GDNF: variants seen among roughly 807,000 people sequenced by gnomAD.
The protein encoded by GDNF is glial cell derived neurotrophic factor.
A neutral mutation model predicts 13.7 loss-of-function variants in GDNF; 5 were observed. The ratio of observed to expected loss-of-function variants is 0.36; its 90% CI spans 0.19 to 0.77. The LOEUF (loss-of-function observed/expected upper bound fraction) is 0.77, where lower values mean the gene tolerates loss of function less well. Among genes scored for constraint, GDNF ranks in the 30% least tolerant of loss-of-function variants. The pLI is 0.51. For missense variants in GDNF, 246 were observed against 274.3 expected (o/e 0.90, Z 0.73); for synonymous variants, 122 against 112.5 (o/e 1.08, Z -0.53).
intron 2 of GDNF, among the ~76,000 whole-genome samples, chr5:37,827,918 G>A (rs1485911981): frequency 1.3e-5 from 2 of 152,164 alleles, no homozygotes; most frequent in African/African-American, 4.8e-5. Context: ...TTCAAAGTAG[G>A]TAATCGTTTT....
At chr5:37,816,233 G>T in intron 2 of GDNF, 98 bp from the exon 3 acceptor site, 1 of 1,219,134 alleles carries the variant, frequency 8.2e-7, no homozygotes. Flanking sequence ...GCAAAAATTG[G>T]ACCCACAGCA....
chr5:37,825,317 C>T (rs941528105), intron 2 of GDNF, among the ~76,000 whole-genome samples: 17 of 152,294 alleles, frequency 1.1e-4, no homozygotes, highest in African/African-American at 4.1e-4. Flanking sequence ...GTATGTGGTC[C>T]ATGCTTTTAT....
intron 2 of GDNF, among the ~76,000 whole-genome samples, chr5:37,827,831 T>G (rs1385062416): frequency 6.6e-6 from 1 of 152,212 alleles, no homozygotes; most frequent in Non-Finnish European, 1.5e-5. Context: ...ATTTAAAGCA[T>G]ATATACAGTT....
At chr5:37,831,420 T>G (rs1750519895) in intron 2 of GDNF, among the ~76,000 whole-genome samples, 1 of 152,268 alleles carries the variant, frequency 6.6e-6, no homozygotes, top group South Asian at 2.1e-4. Flanking sequence ...ATGCAAATTT[T>G]TAAAACCACA....
Position 37,837,069 on chromosome 5 carries a change from C to T in GDNF, c.-26-2247G>A, listed in dbSNP as rs537849214. ...AGCGCCGCCGGGACCGGCTCCAGTC[C>T]GAGGGGCTCTTTCGTTCTCGGTATT... is the stretch of plus-strand genomic sequence containing the variant. On this transcript the variant is annotated intron_variant, in intron 1 of 2. Transcript: ENST00000326524. This position sits in a 1 kb window ranked among gnomAD's most constrained non-coding sequence, Gnocchi z 6.5. 6.6e-6 allele frequency among the ~76,000 whole-genome samples: 1 copy of T among 152,034 alleles called. No individual in the cohort carries two copies. Among genetic ancestry groups the T allele is most frequent in the African/African-American group, 2.4e-5 (1 of 41,408 alleles).
At chr5:37,833,618 G>C (rs1245032110) in intron 2 of GDNF, among the ~76,000 whole-genome samples, 6 of 152,158 alleles carry the variant, frequency 3.9e-5, no homozygotes, top group Non-Finnish European at 8.8e-5. Context: ...GACTACTACT[G>C]TGGTTATGAC....
At position 37,824,046 on chromosome 5, in the gene GDNF, C is replaced by T. The variant is rs1336686826; in HGVS notation, c.152-7911G>A. On this transcript the variant is annotated intron_variant, in intron 2 of 2. Transcript: ENST00000326524. Reference sequence around the variant, plus strand: ...ATGTCTCGGCTACATTTGAAATGACCGTCATCAATCTTCTCTTAAATCATC... The same window carrying T: ...ATGTCTCGGCTACATTTGAAATGACTGTCATCAATCTTCTCTTAAATCATC... The T allele has an allele frequency of 2.9e-5, 29 of 983,700 alleles. No homozygotes were observed. In the Admixed American group the frequency reaches 7.4e-4, roughly 25 times the overall value. The allele number at this position is 983,700 out of a possible 1,614,324, so 60.9% of individuals were successfully genotyped here.
chr5:37,835,392 C>T (rs920588207), intron 1 of GDNF: 2 of 1,385,406 alleles, frequency 1.4e-6, no homozygotes, highest in African/African-American at 1.5e-5. Context: ...GGGCACCACT[C>T]ACCCAGCCTG....
At chr5:37,835,516 C>A in intron 1 of GDNF, 1 of 1,490,178 alleles carries the variant, frequency 6.7e-7, no homozygotes. Flanking sequence ...AGTTACTTAA[C>A]TTCCCAAAGC....
intron 2 of GDNF, among the ~76,000 whole-genome samples, chr5:37,833,425 C>A (rs1428415290): frequency 6.6e-6 from 1 of 152,260 alleles, no homozygotes; most frequent in Non-Finnish European, 1.5e-5. Context: ...TGTTCCCTAA[C>A]TTCCTTTTGA....
At chr5:37,835,580 C>A in intron 1 of GDNF, 1 of 1,508,082 alleles carries the variant, frequency 6.6e-7, no homozygotes, top group South Asian at 1.2e-5. Context: ...AACATTAAAT[C>A]ACGCATGACA....
intron 1 of GDNF, 26 bp from the exon 2 acceptor site, chr5:37,834,848 G>T (rs762061618): frequency 1.9e-6 from 3 of 1,607,702 alleles, no homozygotes; most frequent in Admixed American, 1.7e-5. Context: ...GGAGGTGGGG[G>T]AGAGAACCGC....
At chr5:37,822,269 C>T (rs971741461) in intron 2 of GDNF, among the ~76,000 whole-genome samples, 3 of 152,110 alleles carry the variant, frequency 2.0e-5, no homozygotes, top group Non-Finnish European at 4.4e-5. Flanking sequence ...CTGCATGAGC[C>T]GGGCTTGGCT....
At chr5:37,819,232 G>T (rs1561128004) in intron 2 of GDNF, among the ~76,000 whole-genome samples, 1 of 152,080 alleles carries the variant, frequency 6.6e-6, no homozygotes, top group Non-Finnish European at 1.5e-5. Flanking sequence ...AAAGTAAACA[G>T]CCCACATTAC....
intron 2 of GDNF, among the ~76,000 whole-genome samples, chr5:37,825,082 C>G (rs1400027827): frequency 6.6e-6 from 1 of 152,178 alleles, no homozygotes; most frequent in Non-Finnish European, 1.5e-5. Flanking sequence ...CTTTGCCCAT[C>G]AAAATGCCAT....
In GDNF at chr5:37,816,048, T is replaced by A; in HGVS notation, c.239A>T (p.Asp80Val). 1.9e-6 allele frequency: 3 copies of A among 1,613,686 alleles called. No individual in the cohort carries two copies. Among genetic ancestry groups the A allele is most frequent in the Non-Finnish European group, 2.5e-6 (3 of 1,179,646 alleles). Reference protein sequence around the residue: ...ATIKRLKRSPDKQMAVLPRRE... With the variant: ...ATIKRLKRSPVKQMAVLPRRE... ...TCTAGGAAGCACTGCCATTTGTTTA[T>A]CTGGTGACCTTTTCAGTCTTTTAAT... The change falls in exon 3 of 3, where the codon GAT becomes GTT. Residue 80 changes from aspartate to valine, a missense_variant. Physicochemically the swap from Asp to Val is radical, Grantham distance 152. Coordinates refer to ENST00000326524, the MANE Select transcript of GDNF (RefSeq NM_000514.4).
chr5:37,816,213 C>A, intron 2 of GDNF, 78 bp from the exon 3 acceptor site: 1 of 1,500,422 alleles, frequency 6.7e-7, no homozygotes, highest in African/African-American at 1.4e-5. Flanking sequence ...AAAGTGCCCC[C>A]CTAAAGTCAG....
chr5:37,823,741 T>C (rs79012207), intron 2 of GDNF, among the ~76,000 whole-genome samples: 283 of 152,348 alleles, frequency 1.9e-3, no homozygotes, highest in African/African-American at 6.5e-3. Flanking sequence ...ATCAGCTGCG[T>C]GACCTTGGAA....
intron 2 of GDNF, among the ~76,000 whole-genome samples, chr5:37,819,877 C>A (rs1288056777): frequency 2.0e-5 from 3 of 151,472 alleles, no homozygotes; most frequent in Non-Finnish European, 2.9e-5. Context: ...AAACAATTGA[C>A]TTAAAAAAAA....
Sources: gnomAD v4.1 joint callset for allele counts (sites outside exome capture counted in the v4.1 genomes callset) on GRCh38, gnomAD v4.1.1 for gene constraint, Gnocchi (gnomAD v3.1) non-coding constraint, MANE v1.5 for transcripts, NCBI Gene and HGNC (gene_info 2026-07-23, HGNC 2026-07-21) for gene names.